Variants in CSMD3 observed in about 807,000 individuals in gnomAD.
The protein encoded by CSMD3 is CUB and Sushi multiple domains 3.
A neutral mutation model predicts 435.2 loss-of-function variants in CSMD3; 177 were observed. The ratio of observed to expected loss-of-function variants is 0.41; its 90% CI spans 0.36 to 0.46. The LOEUF (loss-of-function observed/expected upper bound fraction) is 0.46. Ranked by LOEUF, CSMD3 falls within the 20% of genes least tolerant of loss-of-function variation. The pLI is 0.34. For synonymous variants in CSMD3, 1,656 were observed against 1,520.5 expected (o/e 1.09, Z -2.07); for missense variants, 4,265 against 4,504.6 (o/e 0.95, Z 1.52).
intron 13 of CSMD3, among the ~76,000 whole-genome samples, chr8:112,772,751 C>T (rs564088111): frequency 1.3e-5 from 2 of 152,126 alleles, no homozygotes; most frequent in South Asian, 2.1e-4. Context: ...AGGGGAAAAC[C>T]GCCTTAGGGC....
At chr8:112,914,379 C>A (rs985346181) in intron 10 of CSMD3, among the ~76,000 whole-genome samples, 1 of 151,682 alleles carries the variant, frequency 6.6e-6, no homozygotes, top group African/African-American at 2.4e-5. Flanking sequence ...TTGTGTCTAG[C>A]ATAGTGGTAA....
rs563644924 is a variant in CSMD3 at position 112,517,131 on chromosome 8, T to C, written c.4659A>G (p.Gln1553=). The C allele has an allele frequency of 7.3e-5, 118 of 1,613,772 alleles. No homozygotes were observed. The East Asian group carries it at 1.0e-3, about 14-fold the overall frequency. ...GREPGDTVVF[Q]CDPGYELQGE... ...CTTGAAGTTCATATCCTGGGTCACA[T>C]TGAAAAACAACAGTGTCCCCAGGTT... Residue 1553 remains glutamine, a synonymous_variant, in exon 28 of 71, where the codon CAA becomes CAG. Transcript: ENST00000297405.
chr8:112,409,984 A>C (rs1832190152), intron 32 of CSMD3, among the ~76,000 whole-genome samples: 1 of 152,002 alleles, frequency 6.6e-6, no homozygotes, highest in Non-Finnish European at 1.5e-5. Context: ...ATTTGAAATC[A>C]CATGAATTTA....
At position 112,977,479 on chromosome 8, in the gene CSMD3, C is replaced by T. The variant is rs1362401647; in HGVS notation, c.1031-1331G>A. Among the ~76,000 whole-genome samples the T allele has an allele frequency of 2.0e-5, 3 of 151,890 alleles. No homozygotes were observed. The South Asian group carries it at 6.2e-4, about 31-fold the overall frequency. Reference sequence around the variant, plus strand: ...AGAATACTCTGCCTTTTTTATTTTCCTCTTGTGCTGTAGACAGGTGATTAG... The same window carrying T: ...AGAATACTCTGCCTTTTTTATTTTCTTCTTGTGCTGTAGACAGGTGATTAG... On this transcript the variant is annotated intron_variant, in intron 6 of 70. Transcript: ENST00000297405.
chr8:112,524,969 T>C (rs1434295492), intron 27 of CSMD3, among the ~76,000 whole-genome samples: 4 of 151,888 alleles, frequency 2.6e-5, no homozygotes, highest in Admixed American at 6.6e-5. Flanking sequence ...TATATTCTTA[T>C]TTTTATTAGT....
intron 38 of CSMD3, among the ~76,000 whole-genome samples, chr8:112,373,712 C>T (rs1366901097): frequency 6.6e-6 from 1 of 152,102 alleles, no homozygotes. Flanking sequence ...TGTTTCTCTA[C>T]CAAGAGAAGC....
chr8:112,892,948 G>C (rs567340545), intron 10 of CSMD3, among the ~76,000 whole-genome samples: 9 of 151,460 alleles, frequency 5.9e-5, no homozygotes, highest in Non-Finnish European at 1.3e-4. Flanking sequence ...AGCAGATTTA[G>C]AGCAATTGTT....
chr8:112,292,668 G>C lies in CSMD3; in HGVS notation c.8657C>G (p.Thr2886Arg), dbSNP rs745755905. 2 of 1,613,690 alleles carry C rather than the reference G, an allele frequency of 1.2e-6. No individual in the cohort carries two copies. The highest frequency in any genetic ancestry group is 1.7e-5 in the Admixed American group (1 of 59,976). ...GHPGSPIYGRTSGNGFNFNDV... is the reference protein window; with the variant it reads ...GHPGSPIYGRRSGNGFNFNDV... ...ATTAAAGTTGAACCCATTTCCACTTGTTCTTCCATAAATTGGACTACCAGG... is the reference window on the plus strand; with the variant it reads ...ATTAAAGTTGAACCCATTTCCACTTCTTCTTCCATAAATTGGACTACCAGG... The change falls in exon 55 of 71, where the codon ACA becomes AGA. Residue 2886 changes from threonine (T) to arginine (R), a missense_variant. Around this residue, in one of 3 missense-constraint regions of CSMD3, gnomAD observed 3,255 missense variants for 3,380.2 expected, o/e 0.96. Transcript: ENST00000297405.
chr8:113,051,165 G>T (rs2088072327), intron 5 of CSMD3, among the ~76,000 whole-genome samples: 1 of 152,068 alleles, frequency 6.6e-6, no homozygotes, highest in African/African-American at 2.4e-5. Flanking sequence ...CTAAATAAAT[G>T]CTGTATTTCT....
chr8:113,112,374 G>A (rs1324924850), intron 4 of CSMD3, among the ~76,000 whole-genome samples: 1 of 104,458 alleles, frequency 9.6e-6, no homozygotes, highest in Non-Finnish European at 1.9e-5. Flanking sequence ...ATACACAACT[G>A]ACCCAATAAA....
chr8:112,941,087 G>A (rs1459007), intron 9 of CSMD3, among the ~76,000 whole-genome samples: 1 of 151,550 alleles, frequency 6.6e-6, no homozygotes, highest in Non-Finnish European at 1.5e-5. Context: ...AAGAACCAGA[G>A]AGTAACTGAT....
intron 50 of CSMD3, among the ~76,000 whole-genome samples, chr8:112,307,623 A>G (rs1260898490): frequency 2.6e-5 from 4 of 152,066 alleles, no homozygotes; most frequent in Non-Finnish European, 5.9e-5. Flanking sequence ...GTAAATATTT[A>G]TACATATCTC....
intron 22 of CSMD3, among the ~76,000 whole-genome samples, chr8:112,627,009 A>C (rs1834529038): frequency 6.6e-6 from 1 of 152,102 alleles, no homozygotes; most frequent in African/African-American, 2.4e-5. Flanking sequence ...GCATACAGTA[A>C]ACACACAGCA....
intron 7 of CSMD3, among the ~76,000 whole-genome samples, chr8:112,965,270 T>C (rs993885118): frequency 6.6e-6 from 1 of 152,020 alleles, no homozygotes; most frequent in East Asian, 1.9e-4. Context: ...TGGTAACCAT[T>C]TGGGGAAATC....
At chr8:113,099,024 G>A (rs2131548504) in intron 4 of CSMD3, 61 bp from the exon 5 acceptor site, 1 of 1,049,940 alleles carries the variant, frequency 9.5e-7, no homozygotes, top group Non-Finnish European at 1.5e-6. Context: ...TTGTTCAGTT[G>A]TAAGTAAAGC....
chr8:112,266,349 G>C (rs1816943502), intron 59 of CSMD3, among the ~76,000 whole-genome samples: 1 of 152,162 alleles, frequency 6.6e-6, no homozygotes, highest in African/African-American at 2.4e-5. Context: ...AAATGGGGAG[G>C]CCATGCAGGG....
At chr8:113,038,189 T>C (rs1467525931) in intron 5 of CSMD3, among the ~76,000 whole-genome samples, 1 of 152,064 alleles carries the variant, frequency 6.6e-6, no homozygotes, top group East Asian at 1.9e-4. Context: ...ATATCAAAGA[T>C]GAAAGACTGT....
intron 50 of CSMD3, among the ~76,000 whole-genome samples, chr8:112,307,734 G>GTT: frequency 6.6e-6 from 1 of 152,146 alleles, no homozygotes; most frequent in Admixed American, 6.6e-5. Flanking sequence ...GTTATAAAAT[G>GTT]AGAAAGCTTC....
rs1340723398 is a variant in CSMD3 at position 112,629,761 on chromosome 8, A to T, written c.3715+7056T>A. Reference sequence around the variant, plus strand: ...TCAAAGGATAACTGGTATGGTGGACAGACTTTAAGTTGAACCCCATGATAC... The same window carrying T: ...TCAAAGGATAACTGGTATGGTGGACTGACTTTAAGTTGAACCCCATGATAC... On this transcript the variant is annotated intron_variant, in intron 22 of 70. Transcript: ENST00000297405. 3.9e-5 allele frequency among the ~76,000 whole-genome samples: 6 copies of T among 152,196 alleles called. No homozygotes were observed. In the South Asian group the frequency reaches 1.2e-3, roughly 31 times the overall value.
Sources: gnomAD v4.1 joint callset for allele counts (sites outside exome capture counted in the v4.1 genomes callset) on GRCh38, gnomAD v4.1.1 for gene constraint, gnomAD v4.1.1 regional missense constraint, MANE v1.5 for transcripts, NCBI Gene and HGNC (gene_info 2026-07-23, HGNC 2026-07-21) for gene names.